Variants in DCC observed in about 807,000 individuals in gnomAD.
DCC encodes DCC netrin 1 receptor, also known as netrin receptor DCC.
In DCC, 58 loss-of-function variants were observed where a neutral mutation model predicts 172.5. The observed-to-expected ratio is 0.34, with a 90% CI of 0.27 to 0.42. DCC has a LOEUF of 0.42. Among genes scored for constraint, DCC ranks in the 10% least tolerant of loss-of-function variants. The probability of loss-of-function intolerance (pLI) is 1.00; values close to 1 mark genes in which losing one functional copy is unlikely to be tolerated. For synonymous variants in DCC, 709 were observed against 644.5 expected (o/e 1.10, Z -1.52); for missense variants, 1,740 against 1,791.0 (o/e 0.97, Z 0.51).
chr18:52,775,319 A>T (rs1285208083), intron 2 of DCC, among the ~76,000 whole-genome samples: 3 of 152,116 alleles, frequency 2.0e-5, no homozygotes, highest in Non-Finnish European at 4.4e-5. Context: ...CTGAAGCCCC[A>T]GTGGGCGTGT....
intron 1 of DCC, among the ~76,000 whole-genome samples, chr18:52,725,372 C>T (rs1487227417): frequency 6.6e-6 from 1 of 152,174 alleles, no homozygotes; most frequent in Non-Finnish European, 1.5e-5. Flanking sequence ...ACAAGTTGCT[C>T]AAAAGCTTCA....
At chr18:53,195,012 A>T (rs16956346) in intron 9 of DCC, among the ~76,000 whole-genome samples, 6,396 of 152,286 alleles carry the variant, frequency 0.042, 165 homozygotes, top group East Asian at 0.11. Context: ...ATTATATTGA[A>T]CACTTGCTTT....
intron 1 of DCC, among the ~76,000 whole-genome samples, chr18:52,509,948 C>T (rs2031373394): frequency 2.6e-5 from 4 of 151,918 alleles, no homozygotes; most frequent in Admixed American, 2.6e-4. Context: ...ACTAAAAATA[C>T]AAAAAATCAG....
At chr18:53,205,179 T>C in intron 9 of DCC, 37 bp from the exon 10 acceptor site, 1 of 1,569,016 alleles carries the variant, frequency 6.4e-7, no homozygotes. Context: ...CTTATCCTAA[T>C]CACTTTTCTT....
At chr18:53,168,291 A>G (rs2054955192) in intron 8 of DCC, among the ~76,000 whole-genome samples, 1 of 152,134 alleles carries the variant, frequency 6.6e-6, no homozygotes, top group Non-Finnish European at 1.5e-5. Context: ...ACTGTTCACA[A>G]TAGCAAAGAC....
chr18:53,039,574 C>G (rs1457848782), intron 5 of DCC, among the ~76,000 whole-genome samples: 1 of 151,896 alleles, frequency 6.6e-6, no homozygotes, highest in Non-Finnish European at 1.5e-5. Context: ...ATTCCAAGCC[C>G]ATGCTGTGGC....
chr18:52,620,903 T>C (rs1353811605), intron 1 of DCC, among the ~76,000 whole-genome samples: 2 of 152,234 alleles, frequency 1.3e-5, no homozygotes, highest in Non-Finnish European at 2.9e-5. Context: ...CGCTAGTTAC[T>C]GATTTTAAAT....
At chr18:52,763,825 A>T (rs181298124) in intron 2 of DCC, among the ~76,000 whole-genome samples, 5 of 152,316 alleles carry the variant, frequency 3.3e-5, no homozygotes, top group East Asian at 1.9e-4. Flanking sequence ...TTATCTGATT[A>T]TCCTGTGGCT....
chr18:53,347,191 C>A (rs140999916), intron 15 of DCC, among the ~76,000 whole-genome samples: 1 of 152,180 alleles, frequency 6.6e-6, no homozygotes, highest in African/African-American at 2.4e-5. Context: ...ACTGGAGTGA[C>A]AGCTGACAGT....
chr18:53,355,007 C>T (rs1490876853), intron 15 of DCC, among the ~76,000 whole-genome samples: 1 of 151,964 alleles, frequency 6.6e-6, no homozygotes, highest in African/African-American at 2.4e-5. Context: ...AGCCAGTTTT[C>T]CCAGCACCAT....
intron 27 of DCC, among the ~76,000 whole-genome samples, chr18:53,521,379 T>C (rs1404016940): frequency 6.6e-6 from 1 of 152,098 alleles, no homozygotes; most frequent in Non-Finnish European, 1.5e-5. Context: ...TGATGCAGTA[T>C]GATACACATA....
At chr18:52,415,210 T>C (rs1450797598) in intron 1 of DCC, among the ~76,000 whole-genome samples, 3 of 152,184 alleles carry the variant, frequency 2.0e-5, no homozygotes. Context: ...TTTTCATATA[T>C]TTTTTCAAAT....
chr18:52,793,720 A>G (rs2145211255), intron 2 of DCC, among the ~76,000 whole-genome samples: 1 of 152,258 alleles, frequency 6.6e-6, no homozygotes, highest in East Asian at 1.9e-4. Flanking sequence ...GCCTAGACCA[A>G]TTTCCTGAAG....
chr18:53,373,562 T>C (rs760212812), intron 15 of DCC, among the ~76,000 whole-genome samples: 12 of 152,226 alleles, frequency 7.9e-5, no homozygotes, highest in Admixed American at 4.6e-4. Context: ...ATAATTATTC[T>C]AACTTCATTT....
chr18:53,489,852 G>GTAAC (rs1375444468), intron 26 of DCC, among the ~76,000 whole-genome samples: 3 of 152,242 alleles, frequency 2.0e-5, no homozygotes, highest in Non-Finnish European at 4.4e-5. Flanking sequence ...TTCTTAATAA[G>GTAAC]TAACTGCAGT....
At chr18:53,168,624 A>G (rs888954761) in intron 8 of DCC, among the ~76,000 whole-genome samples, 2 of 151,990 alleles carry the variant, frequency 1.3e-5, no homozygotes, top group African/African-American at 2.4e-5. Context: ...AATGTAGATG[A>G]CAGGTTGATG....
chr18:52,618,683 C>T (rs548324092), intron 1 of DCC, among the ~76,000 whole-genome samples: 2 of 152,236 alleles, frequency 1.3e-5, no homozygotes, highest in East Asian at 1.9e-4. Flanking sequence ...GAATTTAATG[C>T]TCAAAAATGA....
chr18:53,052,474 C>G (rs1006877445), intron 5 of DCC, among the ~76,000 whole-genome samples: 2 of 151,666 alleles, frequency 1.3e-5, no homozygotes, highest in African/African-American at 4.8e-5. Flanking sequence ...TGTCTTTTAT[C>G]TTGATCATGT....
In DCC at chr18:52,844,266, C is replaced by A. The variant is rs528783829; in HGVS notation, c.413-61778C>A. 5.8e-4 allele frequency among the ~76,000 whole-genome samples: 88 copies of A among 152,112 alleles called. 2 individuals carry two copies. The South Asian group carries it at 0.018, about 31-fold the overall frequency. On this transcript the variant is annotated intron_variant, in intron 2 of 28. Transcript: ENST00000442544. ...TTAGGCAAATGCATCATTAGATGAA[C>A]CAGTGTCTGTTAAGAAGGATGATTG...
Sources: gnomAD v4.1 joint callset for allele counts (sites outside exome capture counted in the v4.1 genomes callset) on GRCh38, gnomAD v4.1.1 for gene constraint, MANE v1.5 for transcripts, NCBI Gene and HGNC (gene_info 2026-07-23, HGNC 2026-07-21) for gene names.